Variants in CEP70 observed in about 807,000 individuals in gnomAD.
CEP70 encodes centrosomal protein of 70 kDa.
In CEP70, 70 loss-of-function variants were observed where a neutral mutation model predicts 90.9. That is an observed-to-expected ratio of 0.77 (90% confidence interval 0.64 to 0.94). CEP70 has a LOEUF of 0.94. Among genes scored for constraint, CEP70 ranks in the 40% least tolerant of loss-of-function variants. CEP70 has a pLI of 0.00. For missense variants in CEP70, 648 were observed against 669.0 expected (o/e 0.97, Z 0.35); for synonymous variants, 220 against 228.3 (o/e 0.96, Z 0.33).
chr3:138,521,827 G>A (rs2036683778), intron 11 of CEP70, among the ~76,000 whole-genome samples: 1 of 152,256 alleles, frequency 6.6e-6, no homozygotes, highest in Admixed American at 6.5e-5. Context: ...GACGATGGCG[G>A]TTTTGTCAAA....
intron 6 of CEP70, among the ~76,000 whole-genome samples, chr3:138,545,934 C>G (rs1294496586): frequency 6.6e-6 from 1 of 152,150 alleles, no homozygotes; most frequent in Non-Finnish European, 1.5e-5. Flanking sequence ...AATATGTGCA[C>G]AGCTGAACAC....
chr3:138,561,623 C>T (rs1448827155), intron 6 of CEP70, among the ~76,000 whole-genome samples: 3 of 152,034 alleles, frequency 2.0e-5, no homozygotes, highest in Non-Finnish European at 4.4e-5. Flanking sequence ...TAACCCAATG[C>T]AAGGAAGCTA....
intron 2 of CEP70, among the ~76,000 whole-genome samples, chr3:138,576,592 C>A (rs1209864113): frequency 6.6e-6 from 1 of 152,132 alleles, no homozygotes; most frequent in Non-Finnish European, 1.5e-5. Context: ...CAGCTCTGCA[C>A]CAAGCAGACC....
At chr3:138,509,389 CGTGGAGATCCAACAGACCATTATTCCAG>C (rs1214835090) in intron 11 of CEP70, among the ~76,000 whole-genome samples, 1 of 152,140 alleles carries the variant, frequency 6.6e-6, no homozygotes, top group African/African-American at 2.4e-5. Context: ...GTCAAGAGGG[CGTGGAGATCCAACAGACCATTATTCCAG>C]GTGGCTACTA....
chr3:138,537,316 G>C lies in CEP70; in HGVS notation c.497C>G (p.Thr166Arg). ...VKCQHYKKKR[T>R]EQEETIASLQ... The stretch of plus-strand genomic sequence containing the variant: ...AGAAGCAATAGTTTCTTCTTGCTCC[G>C]TTCGTTTTTTCTTATAATGCTGGCA... Residue 166 changes from threonine (T) to arginine (R), a missense_variant, in exon 7 of 18, where the codon ACG becomes AGG. Transcript: ENST00000264982. 1 of 1,595,734 alleles carries C rather than the reference G, an allele frequency of 6.3e-7. No individual in the cohort carries two copies. Among genetic ancestry groups the C allele is most frequent in the Non-Finnish European group, 8.5e-7 (1 of 1,173,708 alleles).
At chr3:138,501,548 T>C (rs1217212631) in intron 13 of CEP70, among the ~76,000 whole-genome samples, 1 of 152,230 alleles carries the variant, frequency 6.6e-6, no homozygotes, top group African/African-American at 2.4e-5. Context: ...CAATAAGTAG[T>C]CTTTTATGAA....
chr3:138,537,121 A>G, intron 7 of CEP70, 57 bp downstream of exon 7: 1 of 1,306,976 alleles, frequency 7.7e-7, no homozygotes, highest in Non-Finnish European at 1.0e-6. Flanking sequence ...CAGGTAAAAC[A>G]AACAAACAAA....
intron 17 of CEP70, chr3:138,496,761 C>T (rs1480590586): frequency 3.5e-5 from 34 of 985,232 alleles, no homozygotes; most frequent in Admixed American, 6.2e-5. Context: ...TGTTTAACAC[C>T]AGAACTTCAA....
chr3:138,533,810 G>A (rs754734266), intron 7 of CEP70, among the ~76,000 whole-genome samples: 17 of 151,742 alleles, frequency 1.1e-4, no homozygotes, highest in Non-Finnish European at 1.8e-4. Flanking sequence ...TTTTTGAGAT[G>A]GAGTCATGCT....
At chr3:138,497,842 G>A in intron 17 of CEP70, 189 bp downstream of exon 17, 1 of 985,396 alleles carries the variant, frequency 1.0e-6, no homozygotes, top group African/African-American at 1.7e-5. Context: ...GCTGTTAAGG[G>A]TCTGTGTTTC....
chr3:138,532,690 T>C (rs368013655), intron 7 of CEP70, 120 bp from the exon 8 acceptor site: 9 of 905,856 alleles, frequency 9.9e-6, no homozygotes, highest in East Asian at 7.1e-5. Context: ...TGGCAGGCTT[T>C]AAAAAATTTA....
intron 2 of CEP70, among the ~76,000 whole-genome samples, chr3:138,587,355 A>T (rs1400536611): frequency 6.6e-6 from 1 of 152,088 alleles, no homozygotes; most frequent in Non-Finnish European, 1.5e-5. Flanking sequence ...AAGCTCAAAC[A>T]TACACATAAT....
At chr3:138,528,166 T>G (rs1433127742) in intron 10 of CEP70, among the ~76,000 whole-genome samples, 1 of 151,766 alleles carries the variant, frequency 6.6e-6, no homozygotes, top group Non-Finnish European at 1.5e-5. Context: ...CACCTCAGTC[T>G]TCGGAGTAGC....
chr3:138,582,122 A>G (rs2041892487), intron 2 of CEP70, among the ~76,000 whole-genome samples: 1 of 152,192 alleles, frequency 6.6e-6, no homozygotes, highest in African/African-American at 2.4e-5. Context: ...TTTAATCTGA[A>G]AGAAAACGAC....
At chr3:138,501,664 A>G (rs547918592) in intron 13 of CEP70, among the ~76,000 whole-genome samples, 1 of 152,332 alleles carries the variant, frequency 6.6e-6, no homozygotes, top group East Asian at 1.9e-4. Context: ...ATTCTACATT[A>G]TAATACTCCA....
At chr3:138,495,833 C>A in intron 17 of CEP70, 2 of 969,496 alleles carry the variant, frequency 2.1e-6, no homozygotes, top group Non-Finnish European at 2.5e-6. Flanking sequence ...GCCTGGGTGA[C>A]AGAGAGCAAG....
intron 13 of CEP70, 92 bp from the exon 14 acceptor site, chr3:138,500,973 T>C (rs1576515264): frequency 4.3e-6 from 2 of 459,822 alleles, no homozygotes; most frequent in African/African-American, 2.0e-5. Context: ...ATAAGTTTTA[T>C]ATATTATATG....
chr3:138,496,156 C>CT (rs1421465063), intron 17 of CEP70: 2 of 985,304 alleles, frequency 2.0e-6, no homozygotes, highest in Non-Finnish European at 1.2e-6. Flanking sequence ...GATACCCACA[C>CT]TTTTTTCTAG....
chr3:138,588,780 C>A (rs969169168), intron 2 of CEP70, among the ~76,000 whole-genome samples: 1 of 152,178 alleles, frequency 6.6e-6, no homozygotes, highest in Non-Finnish European at 1.5e-5. Context: ...AGACTGTACA[C>A]AAATGTTCGT....
Sources: allele counts gnomAD v4.1 joint callset (sites outside exome capture counted in the v4.1 genomes callset), GRCh38; gene constraint gnomAD v4.1.1; transcripts MANE v1.5; gene names NCBI Gene and HGNC (gene_info 2026-07-23, HGNC 2026-07-21).